The following PRKCA variants were observed in gnomAD, a reference collection of about 807,000 sequenced individuals.
The protein encoded by PRKCA is protein kinase C alpha type.
In PRKCA, 27 loss-of-function variants were observed where a neutral mutation model predicts 87.0. That is an observed-to-expected ratio of 0.31 (90% CI 0.23 to 0.43). The LOEUF is 0.43. Ranked by LOEUF, PRKCA falls within the 20% of genes least tolerant of loss-of-function variation. PRKCA has a pLI of 1.00. For missense variants in PRKCA, 518 were observed against 852.3 expected (o/e 0.61, Z 4.88); for synonymous variants, 329 against 311.1 (o/e 1.06, Z -0.61).
intron 2 of PRKCA, among the ~76,000 whole-genome samples, chr17:66,478,175 G>A (rs1347109236): frequency 6.6e-6 from 1 of 152,188 alleles, no homozygotes; most frequent in Non-Finnish European, 1.5e-5. Flanking sequence ...TTCATCAGCT[G>A]TTCACATGTG....
At chr17:66,415,644 A>G (rs917787891) in intron 2 of PRKCA, 3 of 152,230 alleles carry the variant, frequency 2.0e-5, no homozygotes, top group Non-Finnish European at 4.4e-5. Context: ...AAGCGTTCAA[A>G]GAAGTGTTCA....
intron 2 of PRKCA, among the ~76,000 whole-genome samples, chr17:66,467,754 C>T (rs1915146510): frequency 6.6e-6 from 1 of 151,922 alleles, no homozygotes; most frequent in African/African-American, 2.4e-5. Context: ...GATGGGGTCT[C>T]ACTATGTTGC....
At chr17:66,589,236 G>A (rs954223086) in intron 3 of PRKCA, among the ~76,000 whole-genome samples, 3 of 152,004 alleles carry the variant, frequency 2.0e-5, no homozygotes, top group Admixed American at 6.6e-5. Flanking sequence ...CCACCAAAAA[G>A]CACAATTCTG....
At chr17:66,635,746 G>A (rs1403131080) in intron 3 of PRKCA, among the ~76,000 whole-genome samples, 1 of 152,084 alleles carries the variant, frequency 6.6e-6, no homozygotes, top group Non-Finnish European at 1.5e-5. Flanking sequence ...TACAGTAAAT[G>A]CTCTTGCATT....
intron 2 of PRKCA, among the ~76,000 whole-genome samples, chr17:66,491,978 G>A (rs977964169): frequency 6.6e-6 from 1 of 152,220 alleles, no homozygotes; most frequent in Non-Finnish European, 1.5e-5. Context: ...GGGTGTTGGG[G>A]AGGAGAGGGG....
At chr17:66,607,218 G>C (rs1970234573) in intron 3 of PRKCA, among the ~76,000 whole-genome samples, 1 of 152,134 alleles carries the variant, frequency 6.6e-6, no homozygotes, top group Admixed American at 6.5e-5. Context: ...ATTACCATAA[G>C]AGAAAAATAT....
At chr17:66,798,435 CGGTGGT>C (rs1568040859) in intron 16 of PRKCA, among the ~76,000 whole-genome samples, 1 of 13,694 alleles carries the variant, frequency 7.3e-5, no homozygotes, top group Non-Finnish European at 1.3e-4. Flanking sequence ...GTGGTGGTGA[CGGTGGT>C]GGTGGTGGTG....
intron 3 of PRKCA, among the ~76,000 whole-genome samples, chr17:66,516,550 T>G (rs1286585997): frequency 6.6e-6 from 1 of 151,840 alleles, no homozygotes; most frequent in African/African-American, 2.4e-5. Flanking sequence ...GCAGAATCAC[T>G]TGAACCTGGG....
intron 3 of PRKCA, among the ~76,000 whole-genome samples, chr17:66,507,034 T>C (rs1414539903): frequency 6.6e-6 from 1 of 152,212 alleles, no homozygotes; most frequent in African/African-American, 2.4e-5. Flanking sequence ...TTAGCGTCTC[T>C]TATGTGTCTG....
chr17:66,509,201 TGTGTG>T (rs1917116363), intron 3 of PRKCA, among the ~76,000 whole-genome samples: 1 of 150,878 alleles, frequency 6.6e-6, no homozygotes, highest in East Asian at 1.9e-4. Flanking sequence ...TGTGTGTGTG[TGTGTG>T]TGTAAAGAGA....
chr17:66,703,206 C>T (rs1387401403), intron 8 of PRKCA: 2 of 152,152 alleles, frequency 1.3e-5, no homozygotes, highest in Non-Finnish European at 2.9e-5. Flanking sequence ...ACTTAAATAA[C>T]ACTTAAAACA....
intron 2 of PRKCA, among the ~76,000 whole-genome samples, chr17:66,428,560 G>A (rs1912936636): frequency 6.6e-6 from 1 of 150,484 alleles, no homozygotes. Flanking sequence ...CTAGAGTGCA[G>A]TGGCACAATC....
intron 3 of PRKCA, among the ~76,000 whole-genome samples, chr17:66,613,346 A>G (rs1320052133): frequency 6.6e-6 from 1 of 152,198 alleles, no homozygotes; most frequent in East Asian, 1.9e-4. Context: ...ATTTTTTTAG[A>G]TGCACAGAAG....
intron 2 of PRKCA, among the ~76,000 whole-genome samples, chr17:66,343,315 C>T (rs998482759): frequency 6.6e-6 from 1 of 152,128 alleles, no homozygotes; most frequent in Non-Finnish European, 1.5e-5. Context: ...TCCTCTCTGC[C>T]ATGCTTAGCT....
In PRKCA at chr17:66,554,972, G is replaced by A. The variant is rs150423629; in HGVS notation, c.288+58689G>A. Among the ~76,000 whole-genome samples the A allele has an allele frequency of 4.2e-3, 639 of 151,088 alleles. 5 individuals carry two copies. Among genetic ancestry groups the A allele is most frequent in the South Asian group, 8.4e-3 (40 of 4,790 alleles). On this transcript the variant is annotated intron_variant, in intron 3 of 16. Transcript: ENST00000413366. Reference sequence around the variant, plus strand: ...TCAGCTCACTGCAACCTCTGCCTCAGGTTCTGGCAATTCTCCTGCCTCAAC... The same window carrying A: ...TCAGCTCACTGCAACCTCTGCCTCAAGTTCTGGCAATTCTCCTGCCTCAAC...
At chr17:66,481,448 T>G (rs944968542) in intron 2 of PRKCA, among the ~76,000 whole-genome samples, 2 of 152,122 alleles carry the variant, frequency 1.3e-5, no homozygotes, top group African/African-American at 4.8e-5. Flanking sequence ...CCCAGTCAGC[T>G]CCTTCCTGAT....
In PRKCA at chr17:66,805,091, T is replaced by C. The variant is rs1975999551; in HGVS notation, c.*1054T>C. The C allele has an allele frequency of 1.0e-6, 1 of 983,694 alleles. No individual in the cohort carries two copies. The highest frequency in any genetic ancestry group is 1.2e-6 in the Non-Finnish European group (1 of 828,452). The allele number at this position is 983,694 out of a possible 1,614,324, so 60.9% of individuals were successfully genotyped here. ...TCTAGCATCAGCCTCTACCGATTGA[T>C]TTTCCTCCCTTCTCTAGCCCTGGAT... On this transcript the variant is annotated 3_prime_UTR_variant, in exon 17 of 17. Coordinates refer to ENST00000413366, the MANE Select transcript of PRKCA (RefSeq NM_002737.3).
At chr17:66,485,416 T>G (rs954828604) in intron 2 of PRKCA, among the ~76,000 whole-genome samples, 5 of 152,234 alleles carry the variant, frequency 3.3e-5, no homozygotes, top group African/African-American at 4.8e-5. Context: ...AGCAGGACTG[T>G]CCTAACGTGC....
chr17:66,765,438 A>ATC (rs1568020999), intron 13 of PRKCA, among the ~76,000 whole-genome samples: 1 of 135,872 alleles, frequency 7.4e-6, no homozygotes, highest in South Asian at 2.3e-4. Flanking sequence ...ATATATATAT[A>ATC]TATATATATA....
Sources: allele counts gnomAD v4.1 joint callset (sites outside exome capture counted in the v4.1 genomes callset), GRCh38; gene constraint gnomAD v4.1.1; transcripts MANE v1.5; gene names NCBI Gene and HGNC (gene_info 2026-07-23, HGNC 2026-07-21).